SPATC1L: variants seen among roughly 807,000 people sequenced by gnomAD.
The protein encoded by SPATC1L is spermatogenesis and centriole associated 1 like.
SPATC1L carries 20 observed loss-of-function variants against 21.2 expected under a neutral mutation model. The ratio of observed to expected loss-of-function variants is 0.94; its 90% confidence interval spans 0.66 to 1.37. SPATC1L has a LOEUF of 1.37. SPATC1L is among the 40% of genes most tolerant of loss of function. SPATC1L has a pLI of 0.00. For synonymous variants in SPATC1L, 290 were observed against 234.5 expected (o/e 1.24, Z -2.16); for missense variants, 499 against 478.7 (o/e 1.04, Z -0.40).
intron 2 of SPATC1L, among the ~76,000 whole-genome samples, chr21:46,174,339 C>CAAA (rs1555887744): frequency 8.2e-6 from 1 of 121,472 alleles, no homozygotes; most frequent in Admixed American, 7.7e-5. Context: ...TCTCAAAAAA[C>CAAA]AAAACAAAAA....
intron 3 of SPATC1L, among the ~76,000 whole-genome samples, chr21:46,168,026 G>A (rs8134875): frequency 0.11 from 16,093 of 152,138 alleles, 1,495 homozygotes; most frequent in African/African-American, 0.25. Context: ...GTGGGAGACC[G>A]TATCTGCAAA....
intron 2 of SPATC1L, among the ~76,000 whole-genome samples, chr21:46,174,344 C>CAAAAAAAAAAAAAAAAA (rs200980627): frequency 1.5e-5 from 1 of 68,832 alleles, no homozygotes. Context: ...AAAAACAAAA[C>CAAAAAAAAAAAAAAAAA]AAAAAAAAAA....
intron 3 of SPATC1L, among the ~76,000 whole-genome samples, chr21:46,167,055 T>A (rs953103137): frequency 2.0e-5 from 3 of 152,092 alleles, no homozygotes; most frequent in Non-Finnish European, 2.9e-5. Flanking sequence ...ATCAAAAAAA[T>A]TGAAATTATA....
chr21:46,180,609 G>T (rs1380109363), intron 2 of SPATC1L, among the ~76,000 whole-genome samples: 1 of 152,218 alleles, frequency 6.6e-6, no homozygotes, highest in African/African-American at 2.4e-5. Context: ...CTCAGTGCTG[G>T]TCTTCCCAAC....
intron 2 of SPATC1L, among the ~76,000 whole-genome samples, chr21:46,173,161 T>C (rs1411497774): frequency 1.3e-5 from 2 of 152,158 alleles, no homozygotes; most frequent in Non-Finnish European, 2.9e-5. Flanking sequence ...TCAGACCTGT[T>C]CTCTGCAGGG....
intron 2 of SPATC1L, among the ~76,000 whole-genome samples, chr21:46,174,953 C>A (rs115455105): frequency 0.019 from 2,857 of 152,272 alleles, 98 homozygotes; most frequent in African/African-American, 0.065. Context: ...GGAATTATAA[C>A]AAACAATCTC....
At chr21:46,177,414 G>GA (rs2079640353) in intron 2 of SPATC1L, among the ~76,000 whole-genome samples, 1 of 151,648 alleles carries the variant, frequency 6.6e-6, no homozygotes, top group South Asian at 2.1e-4. Context: ...AAATCTACAA[G>GA]AAAAAAACAA....
Position 46,168,612 on chromosome 21 carries a change from T to G in SPATC1L, c.240A>C (p.Gln80His). The change falls in exon 3 of 5, where the codon CAA becomes CAC. Residue 80 changes from glutamine (Q) to histidine (H), a missense_variant. Coordinates refer to ENST00000291672, the MANE Select transcript of SPATC1L (RefSeq NM_001142854.2). Reference sequence around the variant, plus strand: ...GGTCCTCCAGGGAGGATGTCTGCAGTTGGGAGGGCGTGTCGGCAACACTCG... The same window carrying G: ...GGTCCTCCAGGGAGGATGTCTGCAGGTGGGAGGGCGTGTCGGCAACACTCG... ...RFTSVADTPSQLQTSSLEDLL... is the reference protein window; with the variant it reads ...RFTSVADTPSHLQTSSLEDLL... The G allele has an allele frequency of 1.4e-6, 2 of 1,414,510 alleles. No homozygotes were observed. Among genetic ancestry groups the G allele is most frequent in the Non-Finnish European group, 1.9e-6 (2 of 1,071,098 alleles). The allele number at this position is 1,414,510 out of a possible 1,614,324, so 87.6% of individuals were successfully genotyped here.
rs200106240 is a variant in SPATC1L, at chr21:46,172,152, AAG to A, written c.194-3496_194-3495del. Among the ~76,000 whole-genome samples, 43 of 122,018 alleles carry A rather than the reference AAG, an allele frequency of 3.5e-4. 2 individuals carry two copies. The highest frequency in any genetic ancestry group is 1.9e-3 in the East Asian group (8 of 4,206). 80.0% of individuals were successfully genotyped at this position (122,018 alleles called of 152,430 possible). A position where few individuals can be genotyped will look rare whatever the true frequency, so the allele number is the denominator to read the frequency against. ...CACAGAGTGTGAGGTGGGGGATGCA[AAG>A]AGCGTGAGGCGGGGGATGCACAGAG... is the stretch of plus-strand genomic sequence containing the variant. On this transcript the variant is annotated intron_variant, in intron 2 of 4. Transcript: ENST00000291672.
chr21:46,169,667 C>T (rs77966141), intron 2 of SPATC1L, among the ~76,000 whole-genome samples: 15 of 13,156 alleles, frequency 1.1e-3, no homozygotes, highest in African/African-American at 2.8e-3. Flanking sequence ...GGGAGGAGCC[C>T]CCTGCTCTGT....
At chr21:46,180,582 C>G (rs760946360) in intron 2 of SPATC1L, among the ~76,000 whole-genome samples, 2 of 152,240 alleles carry the variant, frequency 1.3e-5, no homozygotes, top group Non-Finnish European at 2.9e-5. Flanking sequence ...TTATAAACTT[C>G]TCCTTTTTTG....
rs141854531 is a variant in SPATC1L at position 46,166,494 on chromosome 21, T to TAA, written c.544+1812_544+1813dup. Among the ~76,000 whole-genome samples the TAA allele has an allele frequency of 2.7e-5, 4 of 146,818 alleles. No individual in the cohort carries two copies. The South Asian group carries it at 6.5e-4, about 24-fold the overall frequency. ...TCAAAAGACGGAGTGGCTGAATGGA[T>TAA]AAAAAAAAAACAAGACCCAACCATC... On this transcript the variant is annotated intron_variant, in intron 3 of 4. Coordinates refer to ENST00000291672, the MANE Select transcript of SPATC1L (RefSeq NM_001142854.2).
Position 46,161,466 on chromosome 21 carries a change from G to A in SPATC1L, c.936C>T (p.Pro312=). 4 of 1,596,372 alleles carry A rather than the reference G, an allele frequency of 2.5e-6. No homozygotes were observed. The highest frequency in any genetic ancestry group is 3.4e-6 in the Non-Finnish European group (4 of 1,169,248). ...ALRKLVIDVV[P]PKFLGDSLLL... ...GCAGCGAGTCGCCCAGGAACTTGGGGGGCACCACGTCGATGACCAGCTTGC... is the reference window on the plus strand; with the variant it reads ...GCAGCGAGTCGCCCAGGAACTTGGGAGGCACCACGTCGATGACCAGCTTGC... The change falls in exon 5 of 5, where the codon CCC becomes CCT. Residue 312 remains proline, a synonymous_variant. Coordinates refer to ENST00000291672, the MANE Select transcript of SPATC1L (RefSeq NM_001142854.2).
intron 2 of SPATC1L, among the ~76,000 whole-genome samples, chr21:46,169,018 G>T (rs2079562165): frequency 6.6e-6 from 1 of 152,234 alleles, no homozygotes. Flanking sequence ...ATTTTATTCT[G>T]CAACTGAACT....
At chr21:46,168,275 G>A (rs2079554779) in intron 3 of SPATC1L, 33 bp downstream of exon 3, 1 of 1,499,400 alleles carries the variant, frequency 6.7e-7, no homozygotes, top group Non-Finnish European at 9.0e-7. Context: ...CTGCACTGGG[G>A]GCCCCCCCAG....
In SPATC1L at chr21:46,161,699, TGGA is replaced by T; in HGVS notation, c.700_702del (p.Ser234del). The T allele has an allele frequency of 6.3e-7, 1 of 1,590,306 alleles. No homozygotes were observed. The highest frequency in any genetic ancestry group is 8.6e-7 in the Non-Finnish European group (1 of 1,167,962). ...TCCACGGAGCCGTCCAGAGACTTGG[TGGA>T]GGTCTGCGGGCGCAGCGCATGGATG... On this transcript the variant is annotated inframe_deletion, in exon 5 of 5. Coordinates refer to ENST00000291672, the MANE Select transcript of SPATC1L (RefSeq NM_001142854.2).
intron 2 of SPATC1L, among the ~76,000 whole-genome samples, chr21:46,177,265 G>A (rs2079639427): frequency 6.6e-6 from 1 of 152,122 alleles, no homozygotes; most frequent in Non-Finnish European, 1.5e-5. Context: ...TTGACTAATG[G>A]CATCTAATCA....
intron 2 of SPATC1L, among the ~76,000 whole-genome samples, chr21:46,173,074 T>C (rs549043683): frequency 6.6e-6 from 1 of 152,338 alleles, no homozygotes; most frequent in East Asian, 1.9e-4. Flanking sequence ...GAGGGTCTGG[T>C]GCAGGAACAC....
intron 3 of SPATC1L, among the ~76,000 whole-genome samples, chr21:46,162,476 G>GA (rs1308732420): frequency 3.3e-5 from 5 of 152,094 alleles, no homozygotes; most frequent in Non-Finnish European, 7.4e-5. Flanking sequence ...GAGGAAGGGG[G>GA]AGAGTTCTTC....
Sources: gnomAD v4.1 joint callset for allele counts (sites outside exome capture counted in the v4.1 genomes callset) on GRCh38, gnomAD v4.1.1 for gene constraint, MANE v1.5 for transcripts, NCBI Gene and HGNC (gene_info 2026-07-23, HGNC 2026-07-21) for gene names.